RBFOX1: variants seen among roughly 807,000 people sequenced by gnomAD.
The protein encoded by RBFOX1 is RNA binding protein fox-1 homolog 1.
RBFOX1 carries 8 observed loss-of-function variants against 57.7 expected under a neutral mutation model. The observed-to-expected ratio is 0.14, with a 90% CI of 0.08 to 0.25. The LOEUF (loss-of-function observed/expected upper bound fraction) is 0.25, where lower values mean the gene tolerates loss of function less well. Among genes scored for constraint, RBFOX1 ranks in the 10% least tolerant of loss-of-function variants. RBFOX1 has a pLI of 1.00. For missense variants in RBFOX1, 611 were observed against 548.5 expected (o/e 1.11, Z -1.14); for synonymous variants, 326 against 222.4 (o/e 1.47, Z -4.15).
Position 6,814,512 on chromosome 16 carries a change from G to T in RBFOX1, c.-16+159862G>T, listed in dbSNP as rs2089599431. Among the ~76,000 whole-genome samples the T allele has an allele frequency of 2.0e-5, 3 of 152,154 alleles. 1 individual carries two copies. The South Asian group carries it at 6.2e-4, about 31-fold the overall frequency. ...TAGAGTCTAGTGGGAGACAGGCATT[G>T]ATCAAATTAATAATGACAATCCTTA... On this transcript the variant is annotated intron_variant, in intron 3 of 15. Transcript: ENST00000550418.
chr16:7,488,961 A>T (rs1454786865), intron 4 of RBFOX1, among the ~76,000 whole-genome samples: 1 of 152,224 alleles, frequency 6.6e-6, no homozygotes, highest in Non-Finnish European at 1.5e-5. Flanking sequence ...CTATGTATAC[A>T]TTCATCCATT....
chr16:6,794,065 G>T (rs2083466063), intron 3 of RBFOX1, among the ~76,000 whole-genome samples: 1 of 152,056 alleles, frequency 6.6e-6, no homozygotes, highest in Non-Finnish European at 1.5e-5. Flanking sequence ...TCAACATACT[G>T]CCCAATAACA....
intron 1 of RBFOX1, among the ~76,000 whole-genome samples, chr16:5,411,599 G>GCAA (rs1361390055): frequency 6.6e-6 from 1 of 152,180 alleles, no homozygotes; most frequent in East Asian, 1.9e-4. Flanking sequence ...TGTTACAGCA[G>GCAA]CAACAGAAAA....
intron 2 of RBFOX1, among the ~76,000 whole-genome samples, chr16:5,472,479 G>A (rs2069172216): frequency 1.3e-5 from 2 of 152,172 alleles, no homozygotes; most frequent in South Asian, 4.1e-4. Flanking sequence ...ACAGGGCAAG[G>A]ATTAAAATCT....
chr16:6,177,002 G>C (rs1334391305), intron 1 of RBFOX1, among the ~76,000 whole-genome samples: 3 of 152,184 alleles, frequency 2.0e-5, no homozygotes, highest in Non-Finnish European at 2.9e-5. Context: ...ACCATTCCAA[G>C]TGGAGATATG....
chr16:5,873,703 A>G (rs146175512), intron 4 of RBFOX1, among the ~76,000 whole-genome samples: 286 of 152,342 alleles, frequency 1.9e-3, no homozygotes, highest in African/African-American at 6.5e-3. Flanking sequence ...CACTTGTCTC[A>G]TGAGGACTGA....
intron 2 of RBFOX1, among the ~76,000 whole-genome samples, chr16:5,543,568 G>T (rs1443068985): frequency 6.6e-6 from 1 of 152,158 alleles, no homozygotes; most frequent in Non-Finnish European, 1.5e-5. Context: ...TTTAATATAT[G>T]TGTAGATGAA....
At chr16:7,260,288 C>G (rs893835108) in intron 4 of RBFOX1, among the ~76,000 whole-genome samples, 3 of 152,188 alleles carry the variant, frequency 2.0e-5, no homozygotes, top group African/African-American at 7.2e-5. Flanking sequence ...GATATCCAGA[C>G]ATGCTTCACT....
In RBFOX1 at chr16:7,080,358, C is replaced by T. The variant is rs146627315; in HGVS notation, c.27+28260C>T. Among the ~76,000 whole-genome samples the T allele has an allele frequency of 2.0e-4, 30 of 152,176 alleles. No homozygotes were observed. In the East Asian group the frequency reaches 3.1e-3, roughly 16 times the overall value. On this transcript the variant is annotated intron_variant, in intron 4 of 15. Coordinates refer to ENST00000550418, the MANE Select transcript of RBFOX1 (RefSeq NM_018723.4). ...CTTGCCTATCATTCTGTACCTTCTT[C>T]GGCTTCCTAAATCCTAGCAACAAGT...
At chr16:5,644,556 T>A (rs1451933733) in intron 3 of RBFOX1, among the ~76,000 whole-genome samples, 1 of 152,302 alleles carries the variant, frequency 6.6e-6, no homozygotes, top group Non-Finnish European at 1.5e-5. Context: ...TGAGATACAT[T>A]GCAGGAACTC....
At chr16:6,402,078 T>C (rs550013979) in intron 2 of RBFOX1, among the ~76,000 whole-genome samples, 1 of 148,714 alleles carries the variant, frequency 6.7e-6, no homozygotes, top group East Asian at 2.0e-4. Flanking sequence ...ATGAGATGAC[T>C]GGGGAGAAGA....
chr16:6,876,911 G>A (rs2061953793), intron 3 of RBFOX1, among the ~76,000 whole-genome samples: 1 of 152,068 alleles, frequency 6.6e-6, no homozygotes, highest in African/African-American at 2.4e-5. Flanking sequence ...CAAGTACTGG[G>A]TACACTATTC....
At chr16:7,065,129 T>C (rs538794141) in intron 4 of RBFOX1, among the ~76,000 whole-genome samples, 9 of 152,348 alleles carry the variant, frequency 5.9e-5, no homozygotes, top group East Asian at 3.9e-4. Flanking sequence ...CAATTCTGTA[T>C]GGAGACGCAT....
chr16:6,020,065 G>A (rs1323557642), intron 1 of RBFOX1, 73 bp downstream of exon 1: 7 of 1,353,930 alleles, frequency 5.2e-6, no homozygotes, highest in Non-Finnish European at 6.7e-6. Context: ...GTCTCATGGA[G>A]GGAAGCGCTA....
At chr16:5,651,126 C>G (rs2049226070) in intron 3 of RBFOX1, among the ~76,000 whole-genome samples, 1 of 131,220 alleles carries the variant, frequency 7.6e-6, no homozygotes, top group African/African-American at 2.8e-5. Context: ...GATCTCAGGT[C>G]ACTGCAACCT....
At chr16:5,286,203 G>A (rs138699634) in intron 1 of RBFOX1, among the ~76,000 whole-genome samples, 1 of 152,206 alleles carries the variant, frequency 6.6e-6, no homozygotes. Context: ...GGCAGTGTAT[G>A]TGGGCACTGA....
At chr16:7,478,669 A>T (rs563315342) in intron 4 of RBFOX1, among the ~76,000 whole-genome samples, 1 of 152,334 alleles carries the variant, frequency 6.6e-6, no homozygotes, top group South Asian at 2.1e-4. Flanking sequence ...GCTTTCCGCT[A>T]TATGCAACAA....
intron 1 of RBFOX1, among the ~76,000 whole-genome samples, chr16:6,254,697 C>T (rs896301622): frequency 2.0e-5 from 3 of 152,100 alleles, no homozygotes; most frequent in African/African-American, 7.2e-5. Flanking sequence ...TAAAACTGAA[C>T]ATTTTTTAAA....
chr16:6,105,042 C>G (rs1482708626), intron 1 of RBFOX1, among the ~76,000 whole-genome samples: 1 of 152,124 alleles, frequency 6.6e-6, no homozygotes, highest in Non-Finnish European at 1.5e-5. Flanking sequence ...TTTGCTTTGT[C>G]ATTTTGTCTA....
Sources: gnomAD v4.1 joint callset for allele counts (sites outside exome capture counted in the v4.1 genomes callset) on GRCh38, gnomAD v4.1.1 for gene constraint, MANE v1.5 for transcripts, NCBI Gene and HGNC (gene_info 2026-07-23, HGNC 2026-07-21) for gene names.